Variants in GOLGA3 observed in about 807,000 individuals in gnomAD.
GOLGA3 encodes the protein golgin subfamily A member 3.
In GOLGA3, 75 loss-of-function variants were observed where a neutral mutation model predicts 169.4. The observed-to-expected ratio is 0.44, with a 90% CI of 0.37 to 0.54. GOLGA3 has a LOEUF of 0.54. Ranked by LOEUF, GOLGA3 falls within the 20% of genes least tolerant of loss-of-function variation. The pLI is 0.00. For synonymous variants in GOLGA3, 824 were observed against 822.4 expected, an observed-to-expected ratio of 1.00 and a Z score of -0.03; for missense variants, 1,899 against 1,930.0, an observed-to-expected ratio of 0.98 and a Z score of 0.30.
intron 2 of GOLGA3, among the ~76,000 whole-genome samples, chr12:132,820,889 C>A (rs1207926245): frequency 6.6e-6 from 1 of 151,846 alleles, no homozygotes; most frequent in African/African-American, 2.4e-5. Context: ...CATTTGAGAT[C>A]AGGAGTTCGA....
In GOLGA3 at chr12:132,777,322, C is replaced by T. The variant is rs530385194; in HGVS notation, c.3723-232G>A. Among the ~76,000 whole-genome samples, 2 of 152,094 alleles carry T rather than the reference C, an allele frequency of 1.3e-5. No homozygotes were observed. The highest frequency in any genetic ancestry group is 1.5e-5 in the Non-Finnish European group (1 of 68,008). The stretch of plus-strand genomic sequence containing the variant: ...CACAGATCCCAGAGACTCACTTTGC[C>T]GGCACCCCTCACAGATCCCAGAGAG... On this transcript the variant is annotated intron_variant, in intron 19 of 23. Coordinates refer to ENST00000450791, the MANE Select transcript of GOLGA3 (RefSeq NM_001389683.1). This position sits in a 1 kb window ranked among gnomAD's most constrained non-coding sequence, Gnocchi z 4.7.
rs900443 is a variant in GOLGA3 at position 132,777,867 on chromosome 12, C to T, written c.3583-62G>A. The T allele has an allele frequency of 0.18, 290,478 of 1,577,390 alleles. 28,539 individuals carry two copies. Among genetic ancestry groups the T allele is most frequent in the South Asian group, 0.28 (24,157 of 87,060 alleles). On this transcript the variant is annotated intron_variant, in intron 18 of 23. Coordinates refer to ENST00000450791, the MANE Select transcript of GOLGA3 (RefSeq NM_001389683.1). The surrounding 1 kb of genome is among the most constrained non-coding windows in gnomAD (Gnocchi z 4.7). Reference sequence around the variant, plus strand: ...TGACACCCACAGCTTTATGACGTGCCGGGCGCAGGGGGTGAATGCACTCCC... The same window carrying T: ...TGACACCCACAGCTTTATGACGTGCTGGGCGCAGGGGGTGAATGCACTCCC...
At chr12:132,793,789 G>A (rs902143932) in intron 11 of GOLGA3, among the ~76,000 whole-genome samples, 3 of 152,198 alleles carry the variant, frequency 2.0e-5, no homozygotes, top group African/African-American at 4.8e-5. Flanking sequence ...CACTTGGAGG[G>A]TCCCGGAGGA....
chr12:132,794,296 A>C (rs1400034077), intron 11 of GOLGA3, among the ~76,000 whole-genome samples: 1 of 151,096 alleles, frequency 6.6e-6, no homozygotes, highest in Non-Finnish European at 1.5e-5. Context: ...AGAGTTTGAG[A>C]CCAGCCTGGG....
intron 4 of GOLGA3, among the ~76,000 whole-genome samples, chr12:132,810,395 G>A (rs1386696798): frequency 3.3e-5 from 5 of 152,082 alleles, no homozygotes; most frequent in African/African-American, 9.7e-5. Context: ...CTGAGGACGC[G>A]AACTGTTCCA....
intron 17 of GOLGA3, 65 bp from the exon 18 acceptor site, chr12:132,780,979 C>G: frequency 8.2e-7 from 1 of 1,215,160 alleles, no homozygotes; most frequent in Non-Finnish European, 1.2e-6. Flanking sequence ...AAGGCTGCTA[C>G]AGCAGGCAAC....
Position 132,786,477 on chromosome 12 carries a change from T to C in GOLGA3, c.2985A>G (p.Lys995=). The C allele has an allele frequency of 6.2e-7, 1 of 1,613,774 alleles. No homozygotes were observed. The highest frequency in any genetic ancestry group is 8.5e-7 in the Non-Finnish European group (1 of 1,179,946). Residue 995 remains lysine (K), a synonymous_variant, in exon 15 of 24, where the codon AAA becomes AAG. Transcript: ENST00000450791. The stretch of plus-strand genomic sequence containing the variant: ...CCACGGCGTTCTCGTAGGCCTTATG[T>C]TTGGTCTTCATCTCCTTCTGGGCGC... ...LTSAQKEMKT[K]HKAYENAVGI...
intron 2 of GOLGA3, among the ~76,000 whole-genome samples, chr12:132,821,328 A>C (rs564221823): frequency 6.6e-6 from 1 of 151,292 alleles, no homozygotes; most frequent in South Asian, 2.1e-4. Context: ...AATTGCTTGA[A>C]CCCGGGAAGT....
chr12:132,798,939 C>T (rs1303667698), intron 8 of GOLGA3, among the ~76,000 whole-genome samples: 1 of 152,184 alleles, frequency 6.6e-6, no homozygotes, highest in Admixed American at 6.5e-5. Flanking sequence ...GGGCCCGGCC[C>T]AGACCTCCAG....
At chr12:132,786,670 C>T (rs753791957) in intron 14 of GOLGA3, 23 bp downstream of exon 14, 14 of 1,550,722 alleles carry the variant, frequency 9.0e-6, no homozygotes, top group South Asian at 6.7e-5. Context: ...CCCCGCACCT[C>T]CCCCGGGCAC....
Position 132,777,831 on chromosome 12 carries a change from C to T in GOLGA3, c.3583-26G>A, listed in dbSNP as rs2045335029. On this transcript the variant is annotated intron_variant, in intron 18 of 23. Coordinates refer to ENST00000450791, the MANE Select transcript of GOLGA3 (RefSeq NM_001389683.1). The surrounding 1 kb of genome is among the most constrained non-coding windows in gnomAD (Gnocchi z 4.7). Reference sequence around the variant, plus strand: ...CTAGGAGGAAGGAAGCCACGTTGTCCATGCCCTGCGTGACACCCACAGCTT... The same window carrying T: ...CTAGGAGGAAGGAAGCCACGTTGTCTATGCCCTGCGTGACACCCACAGCTT... The T allele has an allele frequency of 3.1e-6, 5 of 1,611,768 alleles. No homozygotes were observed. The highest frequency in any genetic ancestry group is 1.7e-4 in the Middle Eastern group (1 of 6,054).
intron 8 of GOLGA3, among the ~76,000 whole-genome samples, chr12:132,800,952 C>T (rs1949102611): frequency 6.6e-6 from 1 of 152,124 alleles, no homozygotes; most frequent in East Asian, 1.9e-4. Flanking sequence ...GAGTGAGACA[C>T]AGTCTCAAAA....
chr12:132,807,558 T>A (rs1034767023), intron 5 of GOLGA3, among the ~76,000 whole-genome samples: 7 of 152,082 alleles, frequency 4.6e-5, no homozygotes, highest in Non-Finnish European at 1.0e-4. Flanking sequence ...AACGGGAGAC[T>A]GGATATTTTA....
intron 6 of GOLGA3, among the ~76,000 whole-genome samples, chr12:132,806,614 T>TCTCA (rs1317240939): frequency 6.6e-6 from 1 of 152,168 alleles, no homozygotes; most frequent in Non-Finnish European, 1.5e-5. Context: ...CTGGGTGCAT[T>TCTCA]CTCACCCTCC....
At chr12:132,773,431 A>T in intron 23 of GOLGA3, 137 bp from the exon 24 acceptor site, 8 of 453,476 alleles carry the variant, frequency 1.8e-5, no homozygotes, top group Non-Finnish European at 2.7e-5. Context: ...CTGAGACCAC[A>T]GAAGCTCAGC....
chr12:132,796,134 A>C lies in GOLGA3; in HGVS notation c.2187T>G (p.Thr729=). ...GCTCCCTGCTCTGCAGAGCCTCCTG[A>C]GTCAAGGTGAGCTGTTTCATCAGGT... The part of the protein sequence containing the change: ...HLDLMKQLTL[T]QEALQSREQS... Residue 729 remains threonine, a synonymous_variant, in exon 11 of 24, where the codon ACT becomes ACG. Coordinates refer to ENST00000450791, the MANE Select transcript of GOLGA3 (RefSeq NM_001389683.1). 1 of 1,611,204 alleles carries C rather than the reference A, an allele frequency of 6.2e-7. No homozygotes were observed. Among genetic ancestry groups the C allele is most frequent in the South Asian group, 1.1e-5 (1 of 91,062 alleles).
intron 7 of GOLGA3, among the ~76,000 whole-genome samples, chr12:132,802,826 C>T (rs887120808): frequency 3.9e-5 from 6 of 152,054 alleles, no homozygotes; most frequent in Non-Finnish European, 7.4e-5. Context: ...GAGGCTGAGG[C>T]GGGCGGATCA....
In GOLGA3 at chr12:132,791,305, A is replaced by G; in HGVS notation, c.2470-12T>C. The G allele has an allele frequency of 6.5e-7, 1 of 1,539,650 alleles. No individual in the cohort carries two copies. Among genetic ancestry groups the G allele is most frequent in the Non-Finnish European group, 9.0e-7 (1 of 1,115,868 alleles). ...TGCAGGTGTTCCACCTGTGGGAGACATGTGCACAGACATTACACTGACGGC... is the reference window on the plus strand; with the variant it reads ...TGCAGGTGTTCCACCTGTGGGAGACGTGTGCACAGACATTACACTGACGGC... On this transcript the variant is annotated splice_polypyrimidine_tract_variant and intron_variant, in intron 11 of 23. Coordinates refer to ENST00000450791, the MANE Select transcript of GOLGA3 (RefSeq NM_001389683.1).
intron 12 of GOLGA3, 25 bp downstream of exon 12, chr12:132,791,191 G>GA: frequency 7.3e-7 from 1 of 1,366,972 alleles, no homozygotes; most frequent in African/African-American, 1.4e-5. Context: ...TGTTTCAAGT[G>GA]AAGAAATCAA....
Sources: gnomAD v4.1 joint callset for allele counts (sites outside exome capture counted in the v4.1 genomes callset) on GRCh38, gnomAD v4.1.1 for gene constraint, Gnocchi (gnomAD v3.1) non-coding constraint, MANE v1.5 for transcripts, NCBI Gene and HGNC (gene_info 2026-07-23, HGNC 2026-07-21) for gene names.